CCDC88C: variants seen among roughly 807,000 people sequenced by gnomAD.
The protein encoded by CCDC88C is coiled-coil and HOOK domain protein 88C, also known as protein Daple.
A neutral mutation model predicts 198.8 loss-of-function variants in CCDC88C; 131 were observed. The observed-to-expected ratio is 0.66, with a 90% CI of 0.57 to 0.76. CCDC88C has a LOEUF of 0.76. Ranked by LOEUF, CCDC88C falls within the 30% of genes least tolerant of loss-of-function variation. The pLI is 0.00. For synonymous variants in CCDC88C, 1,166 were observed against 1,114.7 expected, an observed-to-expected ratio of 1.05 and a Z score of -0.92; for missense variants, 2,553 against 2,631.6, an observed-to-expected ratio of 0.97 and a Z score of 0.65.
At chr14:91,333,037 G>A (rs538275012) in intron 10 of CCDC88C, among the ~76,000 whole-genome samples, 15 of 152,310 alleles carry the variant, frequency 9.8e-5, no homozygotes, top group African/African-American at 3.4e-4. Flanking sequence ...CTCTTCATCT[G>A]CAACCATATT....
intron 3 of CCDC88C, among the ~76,000 whole-genome samples, chr14:91,373,090 G>A (rs918842642): frequency 1.3e-5 from 2 of 152,142 alleles, no homozygotes; most frequent in East Asian, 1.9e-4. Flanking sequence ...CTGTGTGTGC[G>A]AGGAGTGGGG....
rs925308173 is a variant in CCDC88C, at chr14:91,352,775, C to T, written c.340+6867G>A. 1.1e-4 allele frequency among the ~76,000 whole-genome samples: 17 copies of T among 152,166 alleles called. No individual in the cohort carries two copies. Among genetic ancestry groups the T allele is most frequent in the African/African-American group, 4.1e-4 (17 of 41,442 alleles). On this transcript the variant is annotated intron_variant, in intron 4 of 29. Coordinates refer to ENST00000389857, the MANE Select transcript of CCDC88C (RefSeq NM_001080414.4). The surrounding 1 kb of genome is among the most constrained non-coding windows in gnomAD (Gnocchi z 4.2). ...AGCCTGAGTGGCCGACCCTCAGCCTCCACACCACACGGTGAGCAGGCATGG... is the reference window on the plus strand; with the variant it reads ...AGCCTGAGTGGCCGACCCTCAGCCTTCACACCACACGGTGAGCAGGCATGG...
intron 10 of CCDC88C, among the ~76,000 whole-genome samples, chr14:91,327,311 C>T (rs1488971454): frequency 6.6e-6 from 1 of 152,202 alleles, no homozygotes; most frequent in Non-Finnish European, 1.5e-5. Context: ...CACTTTCCGG[C>T]CAGCGGACAC....
intron 4 of CCDC88C, among the ~76,000 whole-genome samples, chr14:91,345,168 A>ATATATATATATT (rs1893482521): frequency 3.3e-5 from 3 of 91,724 alleles, no homozygotes; most frequent in African/African-American, 1.3e-4. Context: ...GGTTCAATTT[A>ATATATATATATT]TATATATATA....
intron 12 of CCDC88C, among the ~76,000 whole-genome samples, chr14:91,322,904 C>CTTTTTTTTT (rs35728972): frequency 6.3e-5 from 8 of 127,516 alleles, no homozygotes; most frequent in South Asian, 2.6e-4. Context: ...CAGTGTTTCT[C>CTTTTTTTTT]TTTTTTTTTT....
At chr14:91,386,131 A>G (rs1885118026) in intron 3 of CCDC88C, among the ~76,000 whole-genome samples, 1 of 151,950 alleles carries the variant, frequency 6.6e-6, no homozygotes, top group South Asian at 2.1e-4. Flanking sequence ...AGCTCTTTCT[A>G]TGATGAGCCA....
intron 3 of CCDC88C, among the ~76,000 whole-genome samples, chr14:91,360,252 TCACACACACACACACACACA>T (rs57026211): frequency 1.4e-5 from 2 of 144,196 alleles, no homozygotes; most frequent in Admixed American, 6.9e-5. Flanking sequence ...GACCCCATCT[TCACACACACACACACACACA>T]CACACACACA....
intron 3 of CCDC88C, among the ~76,000 whole-genome samples, chr14:91,373,434 T>C (rs114118927): frequency 1.7e-3 from 261 of 152,234 alleles, no homozygotes; most frequent in African/African-American, 6.0e-3. Context: ...TCTACACACA[T>C]GGGAACCATG....
chr14:91,299,898 T>A, intron 21 of CCDC88C, 29 bp downstream of exon 21: 1 of 1,560,760 alleles, frequency 6.4e-7, no homozygotes, highest in Non-Finnish European at 8.6e-7. Flanking sequence ...GGGGTGCTGC[T>A]ATGTGCAGGG....
chr14:91,298,661 C>T (rs963086196), intron 21 of CCDC88C, among the ~76,000 whole-genome samples: 5 of 152,216 alleles, frequency 3.3e-5, no homozygotes, highest in Non-Finnish European at 5.9e-5. Flanking sequence ...CTCCAGCTGG[C>T]GGCCTTTGCT....
At chr14:91,389,263 CAAACGTTAA>C (rs1885336805) in intron 3 of CCDC88C, among the ~76,000 whole-genome samples, 1 of 152,130 alleles carries the variant, frequency 6.6e-6, no homozygotes, top group African/African-American at 2.4e-5. Context: ...CCTCCGAGTC[CAAACGTTAA>C]GAGAAAAGAG....
intron 3 of CCDC88C, chr14:91,408,136 G>A (rs1001730429): frequency 1.3e-5 from 2 of 157,884 alleles, no homozygotes; most frequent in African/African-American, 4.8e-5. Flanking sequence ...TGACCACACA[G>A]ATCAGATGCG....
chr14:91,391,216 C>T (rs1451402923), intron 3 of CCDC88C, among the ~76,000 whole-genome samples: 1 of 151,880 alleles, frequency 6.6e-6, no homozygotes, highest in Non-Finnish European at 1.5e-5. Flanking sequence ...TACCATCATC[C>T]TCACAGTACA....
At position 91,297,466 on chromosome 14, in the gene CCDC88C, T is replaced by C; in HGVS notation, c.3805A>G (p.Lys1269Glu). The change falls in exon 22 of 30, where the codon AAG becomes GAG. Residue 1269 changes from lysine to glutamate, a missense_variant. By Grantham distance (56) the Lys-to-Glu change is moderately conservative. Transcript: ENST00000389857. ...DRVNFLHHQL[K>E]GEYEELHAHT... ...GCGTGCAGCTCCTCGTACTCCCCCT[T>C]CAGCTGGTGGTGCAGGAAATTGACC... is the stretch of plus-strand genomic sequence containing the variant. 6.4e-7 allele frequency: 1 copy of C among 1,565,068 alleles called. No homozygotes were observed. Among genetic ancestry groups the C allele is most frequent in the Non-Finnish European group, 8.7e-7 (1 of 1,154,548 alleles).
chr14:91,282,026 A>T (rs1890220709), intron 26 of CCDC88C, among the ~76,000 whole-genome samples: 1 of 152,196 alleles, frequency 6.6e-6, no homozygotes, highest in Non-Finnish European at 1.5e-5. Context: ...ACAGACCTGG[A>T]ATCCATTGGC....
intron 21 of CCDC88C, among the ~76,000 whole-genome samples, chr14:91,298,475 A>G (rs1891120118): frequency 6.6e-6 from 1 of 151,764 alleles, no homozygotes; most frequent in Admixed American, 6.6e-5. Flanking sequence ...TTAAGGCTGC[A>G]GTGAGCCATG....
At chr14:91,383,969 T>C (rs1219014141) in intron 3 of CCDC88C, among the ~76,000 whole-genome samples, 1 of 152,224 alleles carries the variant, frequency 6.6e-6, no homozygotes, top group Non-Finnish European at 1.5e-5. Context: ...CTGCAGGCAG[T>C]GTGAGGGCAC....
At position 91,384,701 on chromosome 14, in the gene CCDC88C, G is replaced by A. The variant is rs543759582; in HGVS notation, c.270+23958C>T. 8.8e-5 allele frequency: 31 copies of A among 354,064 alleles called. 1 individual carries two copies. Among genetic ancestry groups the A allele is most frequent in the Admixed American group, 4.2e-4 (11 of 26,504 alleles). The allele number at this position is 354,064 out of a possible 1,614,324, so 21.9% of individuals were successfully genotyped here. Reference sequence around the variant, plus strand: ...GCCCATCAGCTGCTCTCTCCAACACGTGCGGCTGCTCTATGGTGCAGGGCC... The same window carrying A: ...GCCCATCAGCTGCTCTCTCCAACACATGCGGCTGCTCTATGGTGCAGGGCC... On this transcript the variant is annotated intron_variant, in intron 3 of 29. Coordinates refer to ENST00000389857, the MANE Select transcript of CCDC88C (RefSeq NM_001080414.4).
In CCDC88C at chr14:91,339,779, C is replaced by T; in HGVS notation, c.624+105G>A. ...CACGCACGTCCCACCCCCACCAGAA[C>T]CTCAGCAGCAGGACCGAGGCGTCTA... On this transcript the variant is annotated intron_variant, in intron 7 of 29. Transcript: ENST00000389857. This position sits in a 1 kb window ranked among gnomAD's most constrained non-coding sequence, Gnocchi z 5.8. 1 of 1,335,752 alleles carries T rather than the reference C, an allele frequency of 7.5e-7. No homozygotes were observed. Among genetic ancestry groups the T allele is most frequent in the Non-Finnish European group, 1.0e-6 (1 of 1,004,192 alleles). 82.7% of individuals were successfully genotyped at this position (1,335,752 alleles called of 1,614,324 possible).
Sources: allele counts gnomAD v4.1 joint callset (sites outside exome capture counted in the v4.1 genomes callset), GRCh38; gene constraint gnomAD v4.1.1; non-coding constraint Gnocchi (gnomAD v3.1); transcripts MANE v1.5; gene names NCBI Gene and HGNC (gene_info 2026-07-23, HGNC 2026-07-21).